IL18RAP: variants seen among roughly 807,000 people sequenced by gnomAD.
IL18RAP encodes interleukin 18 receptor accessory protein, also known as interleukin-18 receptor accessory protein.
Under a neutral mutation model 58.1 loss-of-function variants are expected in IL18RAP, and 37 were observed. The ratio of observed to expected loss-of-function variants is 0.64; its 90% CI spans 0.49 to 0.84. IL18RAP has a LOEUF of 0.84. Ranked by LOEUF, IL18RAP falls within the 40% of genes least tolerant of loss-of-function variation. The probability of loss-of-function intolerance (pLI) is 0.00; values close to 1 mark genes in which losing one functional copy is unlikely to be tolerated. For missense variants in IL18RAP, 667 were observed against 704.8 expected, an observed-to-expected ratio of 0.95 and a Z score of 0.61; for synonymous variants, 268 against 257.5, an observed-to-expected ratio of 1.04 and a Z score of -0.39.
rs756620639 is a variant in IL18RAP at position 102,423,922 on chromosome 2, G to T, written c.182G>T (p.Arg61Leu). 3.7e-6 allele frequency: 6 copies of T among 1,613,784 alleles called. No homozygotes were observed. The highest frequency in any genetic ancestry group is 2.2e-5 in the South Asian group (2 of 91,080). ...PQKSHFCHRN[R>L]LSPKQVPEHL... is the part of the protein sequence containing the mutation. ...AAATCACATTTCTGCCACAGAAATC[G>T]ACTCTCACCAAAACAAGTCCCTGAG... Residue 61 changes from arginine to leucine, a missense_variant, in exon 2 of 10, where the codon CGA (arginine) becomes CTA (leucine). Physicochemically the swap from Arg to Leu is moderately radical, Grantham distance 102 (BLOSUM62 -2). Coordinates refer to ENST00000687160, the MANE Select transcript of IL18RAP (RefSeq NM_001393487.1).
chr2:102,430,157 G>A (rs1027709823), intron 3 of IL18RAP, among the ~76,000 whole-genome samples: 2 of 151,908 alleles, frequency 1.3e-5, no homozygotes, highest in African/African-American at 4.8e-5. Flanking sequence ...TTGAAATTAA[G>A]GTATTGAGTT....
chr2:102,440,647 A>T (rs780091720), intron 4 of IL18RAP, among the ~76,000 whole-genome samples: 48 of 152,120 alleles, frequency 3.2e-4, no homozygotes, highest in Non-Finnish European at 5.4e-4. Context: ...AGAGGGAGAG[A>T]GAGACAAGTT....
At chr2:102,451,088 T>C in intron 9 of IL18RAP, 67 bp downstream of exon 9, 1 of 1,315,462 alleles carries the variant, frequency 7.6e-7, no homozygotes, top group Non-Finnish European at 1.0e-6. Flanking sequence ...CCCAAGTCTT[T>C]TTTGTCATTC....
At chr2:102,420,959 G>A (rs1380629580), upstream of IL18RAP, among the ~76,000 whole-genome samples, 1 of 152,184 alleles carries the variant, frequency 6.6e-6, no homozygotes, top group East Asian at 1.9e-4. Flanking sequence ...CCTAGGATCA[G>A]GATATATGAT....
intron 3 of IL18RAP, chr2:102,435,004 T>C (rs1239746813): frequency 1.8e-5 from 2 of 113,954 alleles, no homozygotes; most frequent in African/African-American, 5.9e-5. Context: ...CATTAAAAGA[T>C]AAATATTAGT....
At position 102,423,943 on chromosome 2, in the gene IL18RAP, C is replaced by G. The variant is rs768938502; in HGVS notation, c.203C>G (p.Pro68Arg). ...HRNRLSPKQV[P>R]EHLPFMGSND... is the part of the protein sequence containing the mutation. The stretch of plus-strand genomic sequence containing the variant: ...AATCGACTCTCACCAAAACAAGTCC[C>G]TGAGCACCTGCCCTTCATGGGTAGT... Residue 68 changes from proline to arginine, a missense_variant, in exon 2 of 10, where the codon CCT (proline) becomes CGT (arginine). Pro to Arg is a moderately radical substitution (Grantham distance 103, BLOSUM62 -2). Coordinates refer to ENST00000687160, the MANE Select transcript of IL18RAP (RefSeq NM_001393487.1). 11 of 1,613,934 alleles carry G rather than the reference C, an allele frequency of 6.8e-6. No homozygotes were observed. Among genetic ancestry groups the G allele is most frequent in the Non-Finnish European group, 8.5e-6 (10 of 1,180,000 alleles).
chr2:102,424,475 G>A, intron 3 of IL18RAP, 61 bp downstream of exon 3: 2 of 1,446,256 alleles, frequency 1.4e-6, no homozygotes, highest in Non-Finnish European at 1.9e-6. Context: ...CTTCTTCATG[G>A]GCTTTTCATG....
upstream of IL18RAP, chr2:102,418,790 G>C (rs1462909237): frequency 6.6e-6 from 1 of 152,150 alleles, no homozygotes; most frequent in Non-Finnish European, 1.5e-5. Context: ...TCTTCTCCAG[G>C]TATCTCTCTG....
upstream of IL18RAP, among the ~76,000 whole-genome samples, chr2:102,421,286 C>T (rs949111571): frequency 1.3e-5 from 2 of 150,894 alleles, no homozygotes; most frequent in African/African-American, 2.4e-5. Flanking sequence ...AGGGAGAGGG[C>T]GCTTCTTTAT....
intron 3 of IL18RAP, among the ~76,000 whole-genome samples, chr2:102,426,698 G>A (rs573539178): frequency 1.3e-5 from 2 of 152,136 alleles, no homozygotes; most frequent in East Asian, 1.9e-4. Context: ...TATACAATGT[G>A]GAGTGATTAA....
At chr2:102,435,944 A>G (rs1225967054) in intron 3 of IL18RAP, among the ~76,000 whole-genome samples, 1 of 148,266 alleles carries the variant, frequency 6.7e-6, no homozygotes, top group Non-Finnish European at 1.5e-5. Flanking sequence ...TATTCTGCTC[A>G]TGACTGCTTC....
chr2:102,450,917 C>G lies in IL18RAP; in HGVS notation c.1280C>G (p.Ser427Cys). Residue 427 changes from serine to cysteine, a missense_variant, in exon 9 of 10, where the codon TCT becomes TGT. By Grantham distance (112) the Ser-to-Cys change is moderately radical. Coordinates refer to ENST00000687160, the MANE Select transcript of IL18RAP (RefSeq NM_001393487.1). ...TCTTTTCCAAGTGAGGCCACTTCATCTCTGAGTGAAGAACACTTGGCCCTG... is the reference window on the plus strand; with the variant it reads ...TCTTTTCCAAGTGAGGCCACTTCATGTCTGAGTGAAGAACACTTGGCCCTG... ...WSSFPSEATS[S>C]LSEEHLALSL... 1 of 1,612,888 alleles carries G rather than the reference C, an allele frequency of 6.2e-7. No homozygotes were observed. The highest frequency in any genetic ancestry group is 1.1e-5 in the South Asian group (1 of 90,630).
intron 3 of IL18RAP, 129 bp downstream of exon 3, chr2:102,424,543 C>T (rs1404942707): frequency 1.3e-6 from 1 of 743,362 alleles, no homozygotes; most frequent in Admixed American, 2.7e-5. Context: ...CCCTGTGCCT[C>T]TGCAGGAGAT....
At chr2:102,441,465 C>T in intron 5 of IL18RAP, 88 bp downstream of exon 5, 1 of 1,019,412 alleles carries the variant, frequency 9.8e-7, no homozygotes, top group Non-Finnish European at 1.5e-6. Context: ...TTGGGATTTC[C>T]AGTCAAACAG....
chr2:102,447,025 A>C, intron 7 of IL18RAP, 45 bp from the exon 8 acceptor site: 1 of 1,599,688 alleles, frequency 6.3e-7, no homozygotes. Flanking sequence ...TCTTGGTCCA[A>C]TCCCGCTGCC....
chr2:102,443,032 A>G (rs1683198675), intron 5 of IL18RAP, among the ~76,000 whole-genome samples, 168 bp from the exon 6 acceptor site: 1 of 152,236 alleles, frequency 6.6e-6, no homozygotes, highest in Admixed American at 6.5e-5. Context: ...GGTTTTATGC[A>G]TTTCTGAATG....
At position 102,424,256 on chromosome 2, in the gene IL18RAP, G is replaced by C. The variant is rs375044721; in HGVS notation, c.421G>C (p.Val141Leu). The C allele has an allele frequency of 1.2e-6, 2 of 1,614,076 alleles. No homozygotes were observed. The highest frequency in any genetic ancestry group is 1.7e-6 in the Non-Finnish European group (2 of 1,179,980). Reference protein sequence around the residue: ...IKSPYDVACCVKMILEVKPQT... With the variant: ...IKSPYDVACCLKMILEVKPQT... ...GAGCCCCTATGATGTAGCCTGTTGTGTCAAGATGATTTTAGAAGTTAAGCC... is the reference window on the plus strand; with the variant it reads ...GAGCCCCTATGATGTAGCCTGTTGTCTCAAGATGATTTTAGAAGTTAAGCC... The change falls in exon 3 of 10, where the codon GTC (valine) becomes CTC (leucine). Residue 141 changes from valine to leucine, a missense_variant. By Grantham distance (32) the Val-to-Leu change is conservative. Coordinates refer to ENST00000687160, the MANE Select transcript of IL18RAP (RefSeq NM_001393487.1).
chr2:102,447,314 T>A (rs1304154261), intron 8 of IL18RAP, 107 bp downstream of exon 8: 4 of 1,309,036 alleles, frequency 3.1e-6, no homozygotes, highest in Non-Finnish European at 4.2e-6. Flanking sequence ...TTCCTCAGAG[T>A]TACCTTAGAA....
At position 102,423,323 on chromosome 2, in the gene IL18RAP, C is replaced by T. The variant is rs770129762; in HGVS notation, c.46C>T (p.Arg16Ter). The change falls in exon 1 of 10, where the codon CGA becomes TGA. Residue 16 changes from arginine (R) to a stop codon, truncating the protein, a stop_gained. Coordinates refer to ENST00000687160, the MANE Select transcript of IL18RAP (RefSeq NM_001393487.1). LOFTEE classifies it high-confidence loss of function. ...ATTTCTTTGGCTTGTTGCAGGAGAG[C>T]GAATTAAAGGATTTAATATTTCAGG... The part of the protein sequence containing the change: ...WIFLWLVAGE[R>*]IKGFNISGCS... 4.3e-6 allele frequency: 7 copies of T among 1,613,794 alleles called. No homozygotes were observed. Among genetic ancestry groups the T allele is most frequent in the East Asian group, 2.2e-5 (1 of 44,884 alleles).
Sources: allele counts gnomAD v4.1 joint callset (sites outside exome capture counted in the v4.1 genomes callset), GRCh38; gene constraint gnomAD v4.1.1; transcripts MANE v1.5; gene names NCBI Gene and HGNC (gene_info 2026-07-23, HGNC 2026-07-21).